CFAP52: variants seen among roughly 807,000 people sequenced by gnomAD.
CFAP52 encodes the protein cilia- and flagella-associated protein 52.
Under a neutral mutation model 70.5 loss-of-function variants are expected in CFAP52, and 57 were observed. That is an observed-to-expected ratio of 0.81 (90% CI 0.65 to 1.01). The LOEUF is 1.01. Ranked by LOEUF, CFAP52 falls within the 50% of genes least tolerant of loss-of-function variation. CFAP52 has a pLI of 0.00. For missense variants in CFAP52, 785 were observed against 788.5 expected (o/e 1.00, Z 0.05); for synonymous variants, 267 against 292.5 (o/e 0.91, Z 0.89).
In CFAP52 at chr17:9,643,008, G is replaced by A. The variant is rs113548600; in HGVS notation, c.1688-15G>A. On this transcript the variant is annotated splice_polypyrimidine_tract_variant and intron_variant, in intron 13 of 13. Coordinates refer to ENST00000352665, the MANE Select transcript of CFAP52 (RefSeq NM_145054.5). Reference sequence around the variant, plus strand: ...CCTATTGCAGCAATGCCATATACGTGTTTATCTTTTTCAGGTGGAAATGAC... The same window carrying A: ...CCTATTGCAGCAATGCCATATACGTATTTATCTTTTTCAGGTGGAAATGAC... 1 of 1,591,050 alleles carries A rather than the reference G, an allele frequency of 6.3e-7. No individual in the cohort carries two copies. Among genetic ancestry groups the A allele is most frequent in the Non-Finnish European group, 8.6e-7 (1 of 1,168,266 alleles).
Position 9,628,727 on chromosome 17 carries a change from A to G in CFAP52, c.1081A>G (p.Thr361Ala), listed in dbSNP as rs780209016. 1.2e-6 allele frequency: 2 copies of G among 1,614,046 alleles called. No homozygotes were observed. The highest frequency in any genetic ancestry group is 1.3e-5 in the African/African-American group (1 of 74,922). The change falls in exon 9 of 14, where the codon ACA becomes GCA. Residue 361 changes from threonine (T) to alanine (A), a missense_variant. By Grantham distance (58) the Thr-to-Ala change is moderately conservative. Coordinates refer to ENST00000352665, the MANE Select transcript of CFAP52 (RefSeq NM_145054.5). ...CAAGAAGGATATCAGGGTGTGGCAC[A>G]CATCATCCAACAGGGAGCTGCTGCG... ...CAKKDIRVWH[T>A]SSNRELLRIT... is the part of the protein sequence containing the mutation.
chr17:9,631,338 G>A (rs1423699542), intron 9 of CFAP52, among the ~76,000 whole-genome samples: 2 of 152,026 alleles, frequency 1.3e-5, no homozygotes, highest in East Asian at 1.9e-4. Context: ...TCTTATGTCT[G>A]CCTGAAATAT....
At chr17:9,594,893 G>T (rs566368750) in intron 4 of CFAP52, among the ~76,000 whole-genome samples, 1,743 of 130,752 alleles carry the variant, frequency 0.013, 44 homozygotes, top group African/African-American at 0.047. Flanking sequence ...ATTAGGGAGG[G>T]TTTTTTTTTT....
At chr17:9,597,438 T>G (rs527914847) in intron 4 of CFAP52, 4 of 152,300 alleles carry the variant, frequency 2.6e-5, no homozygotes, top group African/African-American at 9.6e-5. Flanking sequence ...GATTTTGCTA[T>G]TCTACAATGT....
chr17:9,642,841 CTT>C (rs1015918459), intron 13 of CFAP52, among the ~76,000 whole-genome samples, 180 bp from the exon 14 acceptor site: 1 of 152,112 alleles, frequency 6.6e-6, no homozygotes, highest in African/African-American at 2.4e-5. Context: ...GATTTTACCT[CTT>C]TGTATTTCCC....
At chr17:9,594,480 A>G (rs1008750290) in intron 4 of CFAP52, 159 bp downstream of exon 4, 3 of 853,906 alleles carry the variant, frequency 3.5e-6, no homozygotes. Flanking sequence ...AGTTCTCTTC[A>G]CTGGAAGTAT....
chr17:9,584,504 A>G (rs896482110), intron 1 of CFAP52: 1 of 462,508 alleles, frequency 2.2e-6, no homozygotes, highest in East Asian at 1.2e-4. Context: ...TACATTGTGA[A>G]ATGATGTCTA....
chr17:9,630,292 G>A (rs1910416378), intron 9 of CFAP52, among the ~76,000 whole-genome samples: 1 of 151,042 alleles, frequency 6.6e-6, no homozygotes, highest in Admixed American at 6.6e-5. Context: ...TAAAATGTAA[G>A]TCAGGGCCAG....
intron 10 of CFAP52, among the ~76,000 whole-genome samples, chr17:9,633,818 A>G (rs1910655457): frequency 6.6e-6 from 1 of 151,822 alleles, no homozygotes; most frequent in Non-Finnish European, 1.5e-5. Flanking sequence ...CTGGGACTAC[A>G]GGTGCCTGCC....
intron 6 of CFAP52, among the ~76,000 whole-genome samples, chr17:9,607,352 AC>A (rs1377239853): frequency 2.0e-5 from 3 of 152,240 alleles, no homozygotes; most frequent in Non-Finnish European, 4.4e-5. Flanking sequence ...CCTCAAAAAA[AC>A]AATAGTAATA....
chr17:9,597,803 A>AAGAGAGAGAGAGAGAGAG (rs10548437), intron 4 of CFAP52, among the ~76,000 whole-genome samples: 22 of 139,120 alleles, frequency 1.6e-4, no homozygotes, highest in African/African-American at 5.7e-4. Flanking sequence ...CTCTGTCAGA[A>AAGAGAGAGAGAGAGAGAG]AGAGAGAGAG....
At chr17:9,583,516 TG>T (rs1473279473) in intron 1 of CFAP52, among the ~76,000 whole-genome samples, 2 of 151,948 alleles carry the variant, frequency 1.3e-5, no homozygotes, top group Non-Finnish European at 2.9e-5. Flanking sequence ...AAGAAATGAG[TG>T]AGATCTTTAT....
chr17:9,587,544 T>G (rs1173699768), intron 3 of CFAP52, among the ~76,000 whole-genome samples: 1 of 152,214 alleles, frequency 6.6e-6, no homozygotes, highest in African/African-American at 2.4e-5. Context: ...ATTTTTTGAC[T>G]TTTTAATAAT....
intron 7 of CFAP52, among the ~76,000 whole-genome samples, chr17:9,608,865 T>TAC (rs1909609223): frequency 6.6e-6 from 1 of 152,224 alleles, no homozygotes; most frequent in Non-Finnish European, 1.5e-5. Context: ...TCCCAGAACT[T>TAC]ACAGACTCGT....
intron 8 of CFAP52, among the ~76,000 whole-genome samples, chr17:9,616,755 G>C (rs1424415156): frequency 7.4e-6 from 1 of 135,740 alleles, no homozygotes; most frequent in Non-Finnish European, 1.6e-5. Flanking sequence ...ACCTCACACG[G>C]CAGGGTATTC....
At chr17:9,631,012 AAGAAAGAAAGAAAGAAAGAGAGAG>A in intron 9 of CFAP52, among the ~76,000 whole-genome samples, 1 of 53,312 alleles carries the variant, frequency 1.9e-5, no homozygotes, top group African/African-American at 1.2e-4. Context: ...GAAAGAAAGA[AAGAAAGAAAGAAAGAAAGAGAGAG>A]AGAGAGAGAG....
chr17:9,612,184 T>C, intron 7 of CFAP52, 125 bp from the exon 8 acceptor site: 1 of 1,247,640 alleles, frequency 8.0e-7, no homozygotes, highest in Admixed American at 2.2e-5. Flanking sequence ...TTTTCAACTG[T>C]GTCACTTCTG....
chr17:9,623,891 C>T (rs936896577), intron 8 of CFAP52, among the ~76,000 whole-genome samples: 1 of 152,096 alleles, frequency 6.6e-6, no homozygotes, highest in Non-Finnish European at 1.5e-5. Context: ...GTATAAGCCT[C>T]TACTGAATAA....
At chr17:9,628,929 C>G in intron 9 of CFAP52, 109 bp downstream of exon 9, 1 of 1,470,784 alleles carries the variant, frequency 6.8e-7, no homozygotes, top group Non-Finnish European at 9.3e-7. Context: ...AACAGCCTCC[C>G]ACTGTCCACC....
Sources: gnomAD v4.1 joint callset for allele counts (sites outside exome capture counted in the v4.1 genomes callset) on GRCh38, gnomAD v4.1.1 for gene constraint, MANE v1.5 for transcripts, NCBI Gene and HGNC (gene_info 2026-07-23, HGNC 2026-07-21) for gene names.